The following RLF variants were observed in gnomAD, a reference collection of about 807,000 sequenced individuals.
The protein encoded by RLF is zinc finger protein Rlf.
RLF carries 7 observed loss-of-function variants against 162.9 expected under a neutral mutation model. The ratio of observed to expected loss-of-function variants is 0.04; its 90% confidence interval spans 0.02 to 0.08. The LOEUF is 0.08. RLF is among the 10% of genes least tolerant of loss of function. The pLI is 1.00. For missense variants in RLF, 1,664 were observed against 2,244.7 expected, an observed-to-expected ratio of 0.74 and a Z score of 5.23; for synonymous variants, 782 against 791.5, an observed-to-expected ratio of 0.99 and a Z score of 0.20.
At chr1:40,214,004 C>G (rs1327932425) in intron 5 of RLF, among the ~76,000 whole-genome samples, 1 of 152,232 alleles carries the variant, frequency 6.6e-6, no homozygotes, top group African/African-American at 2.4e-5. Flanking sequence ...TGAAACCTTT[C>G]TAACTGTATC....
chr1:40,178,191 C>T (rs1030022471), intron 1 of RLF, among the ~76,000 whole-genome samples: 4 of 151,984 alleles, frequency 2.6e-5, no homozygotes, highest in Non-Finnish European at 2.9e-5. Context: ...TATCCTTTCT[C>T]CACTGAATTG....
intron 3 of RLF, 97 bp downstream of exon 3, chr1:40,190,950 T>C (rs1258514604): frequency 1.6e-6 from 1 of 639,076 alleles, no homozygotes; most frequent in Admixed American, 3.2e-5. Flanking sequence ...CAAAAACAAG[T>C]TTATTATATA....
At chr1:40,183,757 T>C (rs922638407) in intron 1 of RLF, among the ~76,000 whole-genome samples, 1 of 151,688 alleles carries the variant, frequency 6.6e-6, no homozygotes, top group African/African-American at 2.4e-5. Flanking sequence ...AAAAAAAAAT[T>C]CCCAAAAGAC....
At chr1:40,188,074 A>C (rs1642505879) in intron 1 of RLF, among the ~76,000 whole-genome samples, 1 of 152,196 alleles carries the variant, frequency 6.6e-6, no homozygotes, top group Non-Finnish European at 1.5e-5. Context: ...CTTATGTTAG[A>C]CTGTACTACA....
chr1:40,178,513 C>G (rs962559724), intron 1 of RLF, among the ~76,000 whole-genome samples: 9 of 151,362 alleles, frequency 5.9e-5, no homozygotes, highest in African/African-American at 1.9e-4. Context: ...AATGTGAATA[C>G]TTAATACCAC....
chr1:40,229,974 C>T (rs1004108148), intron 6 of RLF, among the ~76,000 whole-genome samples: 1 of 151,802 alleles, frequency 6.6e-6, no homozygotes, highest in African/African-American at 2.4e-5. Context: ...ATTATCCAGG[C>T]GTGGTGGCAC....
In RLF at chr1:40,237,939, A is replaced by C. The variant is rs1232773789; in HGVS notation, c.3237A>C (p.Gly1079=). The C allele has an allele frequency of 1.9e-6, 3 of 1,614,006 alleles. No homozygotes were observed. The highest frequency in any genetic ancestry group is 2.5e-6 in the Non-Finnish European group (3 of 1,179,994). ...GCTTGAAAAACTCAATAACACATGGATCTTTCTCAGGGTCATTGCAGGGGT... is the reference window on the plus strand; with the variant it reads ...GCTTGAAAAACTCAATAACACATGGCTCTTTCTCAGGGTCATTGCAGGGGT... ...HLSLKNSITH[G]SFSGSLQGYP... The change falls in exon 8 of 8, where the codon GGA becomes GGC. Residue 1079 remains glycine, a synonymous_variant. Transcript: ENST00000372771. The surrounding 1 kb of genome is among the most constrained non-coding windows in gnomAD (Gnocchi z 4.4).
At chr1:40,193,535 A>G (rs777820065) in intron 3 of RLF, among the ~76,000 whole-genome samples, 4 of 152,200 alleles carry the variant, frequency 2.6e-5, no homozygotes, top group Non-Finnish European at 5.9e-5. Context: ...TGACACCTCA[A>G]ATTTTTAACT....
At chr1:40,225,907 C>T (rs1010846608) in intron 6 of RLF, among the ~76,000 whole-genome samples, 1 of 136,106 alleles carries the variant, frequency 7.3e-6, no homozygotes, top group Non-Finnish European at 1.5e-5. Flanking sequence ...AAAAAAAAGC[C>T]GGATGGTAGT....
chr1:40,231,349 C>T lies in RLF; in HGVS notation c.948-168C>T, dbSNP rs1643149399. On this transcript the variant is annotated intron_variant, in intron 6 of 7. Coordinates refer to ENST00000372771, the MANE Select transcript of RLF (RefSeq NM_012421.4). ...GGGAATTGTTACGGAGGATTCTTAA[C>T]AATTTTATCAGTTTGGGAGAAAGCA... 7.4e-6 allele frequency: 4 copies of T among 540,482 alleles called. No individual in the cohort carries two copies. In the East Asian group the frequency reaches 1.2e-4, roughly 16 times the overall value. The allele number at this position is 540,482 out of a possible 1,614,324, so 33.5% of individuals were successfully genotyped here. A position where few individuals can be genotyped will look rare whatever the true frequency, so the allele number is the denominator to read the frequency against.
At chr1:40,195,172 G>A (rs1404080450) in intron 3 of RLF, among the ~76,000 whole-genome samples, 3 of 151,670 alleles carry the variant, frequency 2.0e-5, no homozygotes, top group Non-Finnish European at 4.4e-5. Context: ...AACAGAGGCT[G>A]GACGCGATGG....
At chr1:40,229,102 T>C (rs1643119632) in intron 6 of RLF, among the ~76,000 whole-genome samples, 1 of 152,208 alleles carries the variant, frequency 6.6e-6, no homozygotes, top group Non-Finnish European at 1.5e-5. Context: ...AAATTTTAGA[T>C]AGTTGACATC....
intron 1 of RLF, among the ~76,000 whole-genome samples, chr1:40,185,382 G>T (rs1642461070): frequency 6.7e-6 from 1 of 149,702 alleles, no homozygotes. Context: ...CACCTGCCTC[G>T]GCCTCCCAAA....
chr1:40,201,164 C>T (rs1365452842), intron 4 of RLF, among the ~76,000 whole-genome samples: 1 of 144,312 alleles, frequency 6.9e-6, no homozygotes, highest in Non-Finnish European at 1.5e-5. Flanking sequence ...TTAATAAGCT[C>T]CCTAGGTGAT....
In RLF at chr1:40,222,661, A is replaced by G; in HGVS notation, c.898A>G (p.Thr300Ala). Residue 300 changes from threonine (T) to alanine (A), a missense_variant, in exon 6 of 8, where the codon ACG becomes GCG. Transcript: ENST00000372771. Reference protein sequence around the residue: ...GQDNTAFVLCTTYLTQQLQTA... With the variant: ...GQDNTAFVLCATYLTQQLQTA... ...GGATAACACAGCATTTGTTCTTTGT[A>G]CGACTTACCTTACCCAGCAGCTCCA... is the stretch of plus-strand genomic sequence containing the variant. 1.2e-6 allele frequency: 2 copies of G among 1,613,514 alleles called. No homozygotes were observed. Among genetic ancestry groups the G allele is most frequent in the Non-Finnish European group, 1.7e-6 (2 of 1,179,852 alleles).
At chr1:40,235,055 ATTT>A (rs761816149) in intron 7 of RLF, among the ~76,000 whole-genome samples, 197 of 105,438 alleles carry the variant, frequency 1.9e-3, no homozygotes, top group African/African-American at 6.7e-3. Flanking sequence ...GATAGAGAGA[ATTT>A]TTTTTTTTTT....
chr1:40,185,842 G>GGA (rs1642471515), intron 1 of RLF, among the ~76,000 whole-genome samples: 1 of 9,428 alleles, frequency 1.1e-4, no homozygotes. Context: ...AAAAAAAAAA[G>GGA]CAAAAAAAAA....
chr1:40,194,886 C>T (rs540686507), intron 3 of RLF, among the ~76,000 whole-genome samples: 5 of 151,642 alleles, frequency 3.3e-5, no homozygotes, highest in African/African-American at 4.8e-5. Context: ...CAGGCTGGAG[C>T]GCAGTGGCAC....
chr1:40,210,676 T>C (rs920611824), intron 5 of RLF, among the ~76,000 whole-genome samples: 5 of 152,124 alleles, frequency 3.3e-5, no homozygotes, highest in African/African-American at 9.7e-5. Flanking sequence ...GACAAGAGAT[T>C]GTAGCCAGCA....
Sources: gnomAD v4.1 joint callset for allele counts (sites outside exome capture counted in the v4.1 genomes callset) on GRCh38, gnomAD v4.1.1 for gene constraint, Gnocchi (gnomAD v3.1) non-coding constraint, MANE v1.5 for transcripts, NCBI Gene and HGNC (gene_info 2026-07-23, HGNC 2026-07-21) for gene names.